Variants in PCDHGA11 observed in about 807,000 individuals in gnomAD.
PCDHGA11 encodes the protein protocadherin gamma subfamily A, 11.
PCDHGA11 carries 39 observed loss-of-function variants against 60.4 expected under a neutral mutation model. The observed-to-expected ratio is 0.65, with a 90% CI of 0.50 to 0.84. The LOEUF is 0.84. Ranked by LOEUF, PCDHGA11 falls within the 40% of genes least tolerant of loss-of-function variation. PCDHGA11 has a pLI of 0.00. For missense variants in PCDHGA11, 1,165 were observed against 1,197.7 expected, an observed-to-expected ratio of 0.97 and a Z score of 0.40; for synonymous variants, 533 against 510.3, an observed-to-expected ratio of 1.04 and a Z score of -0.60.
chr5:141,479,733 A>G (rs2099504879), intron 1 of PCDHGA11: 1 of 152,254 alleles, frequency 6.6e-6, no homozygotes, highest in Admixed American at 6.5e-5. Context: ...TTTCTTAAGT[A>G]TATGCACAAT....
In PCDHGA11 at chr5:141,431,318, G is replaced by T. The variant is rs1309389474; in HGVS notation, c.2433+7658G>T. The T allele has an allele frequency of 6.2e-7, 1 of 1,614,086 alleles. No individual in the cohort carries two copies. Among genetic ancestry groups the T allele is most frequent in the African/African-American group, 1.3e-5 (1 of 75,050 alleles). ...CTCCCTCATCGTGCAAAATGGAGCCGACGGTAGTAAGTACCCCGAATTGGT... is the reference window on the plus strand; with the variant it reads ...CTCCCTCATCGTGCAAAATGGAGCCTACGGTAGTAAGTACCCCGAATTGGT... On this transcript the variant is annotated intron_variant, in intron 1 of 3. Coordinates refer to ENST00000398587, the MANE Select transcript of PCDHGA11 (RefSeq NM_018914.3). The surrounding 1 kb of genome is among the most constrained non-coding windows in gnomAD (Gnocchi z 4.8).
chr5:141,491,712 G>A lies in PCDHGA11; in HGVS notation c.2434-3095G>A, dbSNP rs932849130. On this transcript the variant is annotated intron_variant, in intron 1 of 3. Coordinates refer to ENST00000398587, the MANE Select transcript of PCDHGA11 (RefSeq NM_018914.3). The surrounding 1 kb of genome is among the most constrained non-coding windows in gnomAD (Gnocchi z 6.9). Reference sequence around the variant, plus strand: ...GGGAGCGGAGCCAGGTGAGGGGCTCGGCGCCGCCCCGGGCGACCCCTGGGG... The same window carrying A: ...GGGAGCGGAGCCAGGTGAGGGGCTCAGCGCCGCCCCGGGCGACCCCTGGGG... The A allele has an allele frequency of 1.2e-6, 2 of 1,609,290 alleles. No homozygotes were observed. Among genetic ancestry groups the A allele is most frequent in the East Asian group, 2.2e-5 (1 of 44,760 alleles).
Position 141,431,075 on chromosome 5 carries a change from C to G in PCDHGA11, c.2433+7415C>G. ...GGGGGCCATCAAGTGTCAATTAAAT[C>G]TAGACATTCTGATGGAGGATAAAGT... is the stretch of plus-strand genomic sequence containing the variant. On this transcript the variant is annotated intron_variant, in intron 1 of 3. Coordinates refer to ENST00000398587, the MANE Select transcript of PCDHGA11 (RefSeq NM_018914.3). The surrounding 1 kb of genome is among the most constrained non-coding windows in gnomAD (Gnocchi z 4.8). 1 of 1,614,156 alleles carries G rather than the reference C, an allele frequency of 6.2e-7. No homozygotes were observed. Among genetic ancestry groups the G allele is most frequent in the Non-Finnish European group, 8.5e-7 (1 of 1,179,984 alleles).
Position 141,485,060 on chromosome 5 carries a change from G to T in PCDHGA11, c.2434-9747G>T. The T allele has an allele frequency of 1.2e-6, 1 of 862,304 alleles. No individual in the cohort carries two copies. 53.4% of individuals were successfully genotyped at this position (862,304 alleles called of 1,614,324 possible). ...ACCCTTGCGGCGCCGGCCGAACCGC[G>T]CCAGAGCTGGCGCGGGGAAAGGGAG... On this transcript the variant is annotated intron_variant, in intron 1 of 3. Coordinates refer to ENST00000398587, the MANE Select transcript of PCDHGA11 (RefSeq NM_018914.3). The surrounding 1 kb of genome is among the most constrained non-coding windows in gnomAD (Gnocchi z 5.7).
intron 1 of PCDHGA11, among the ~76,000 whole-genome samples, chr5:141,437,886 C>A (rs763669578): frequency 6.6e-6 from 1 of 152,022 alleles, no homozygotes; most frequent in Non-Finnish European, 1.5e-5. Flanking sequence ...TACAGGCACA[C>A]GCCACCACAC....
At chr5:141,494,714 C>G in intron 1 of PCDHGA11, 93 bp from the exon 2 acceptor site, 2 of 1,603,958 alleles carry the variant, frequency 1.2e-6, no homozygotes, top group East Asian at 4.5e-5. Context: ...TGTGCCCACT[C>G]CCCTCCTTCT....
intron 1 of PCDHGA11, chr5:141,426,438 G>A (rs567163831): frequency 4.7e-5 from 14 of 300,110 alleles, no homozygotes; most frequent in Admixed American, 1.7e-4. Context: ...GGAACCTTGC[G>A]GAGGACATGC....
In PCDHGA11 at chr5:141,476,762, G is replaced by A. The variant is rs1338892879; in HGVS notation, c.2434-18045G>A. The A allele has an allele frequency of 6.2e-7, 1 of 1,613,848 alleles. No individual in the cohort carries two copies. ...GCCTAGTCTCCAGTTAGTGCTGACG[G>A]CGTTGGACGGAGGGACCCCAGCTCT... On this transcript the variant is annotated intron_variant, in intron 1 of 3. Coordinates refer to ENST00000398587, the MANE Select transcript of PCDHGA11 (RefSeq NM_018914.3). The surrounding 1 kb of genome is among the most constrained non-coding windows in gnomAD (Gnocchi z 7.6).
chr5:141,489,085 G>A lies in PCDHGA11; in HGVS notation c.2434-5722G>A, dbSNP rs1347512723. The A allele has an allele frequency of 2.6e-5, 6 of 230,066 alleles. No homozygotes were observed. The South Asian group carries it at 4.3e-4, about 16-fold the overall frequency. 14.3% of individuals were successfully genotyped at this position (230,066 alleles called of 1,614,324 possible). A position where few individuals can be genotyped will look rare whatever the true frequency, so the allele number is the denominator to read the frequency against. Reference sequence around the variant, plus strand: ...TCCCCCCTGCCCACCCCCGCCACTCGGTGACTAAGAACTGCTGCAAGCAGG... The same window carrying A: ...TCCCCCCTGCCCACCCCCGCCACTCAGTGACTAAGAACTGCTGCAAGCAGG... On this transcript the variant is annotated intron_variant, in intron 1 of 3. Coordinates refer to ENST00000398587, the MANE Select transcript of PCDHGA11 (RefSeq NM_018914.3). The surrounding 1 kb of genome is among the most constrained non-coding windows in gnomAD (Gnocchi z 4.5).
intron 1 of PCDHGA11, chr5:141,427,887 C>T (rs759734297): frequency 3.8e-6 from 6 of 1,565,908 alleles, no homozygotes; most frequent in South Asian, 1.1e-5. Flanking sequence ...GGCCCACGAC[C>T]AGGGCTCGCC....
chr5:141,482,220 G>T (rs945741591), intron 1 of PCDHGA11, among the ~76,000 whole-genome samples: 8 of 152,148 alleles, frequency 5.3e-5, no homozygotes, highest in African/African-American at 1.9e-4. Flanking sequence ...ACTTGTTTTG[G>T]TGTGAAATTG....
intron 1 of PCDHGA11, chr5:141,478,866 C>G: frequency 7.7e-7 from 1 of 1,304,352 alleles, no homozygotes; most frequent in East Asian, 2.5e-5. Context: ...TCTCAGCGAT[C>G]AGAGTTTAGC....
At chr5:141,442,708 A>C (rs2098338740) in intron 1 of PCDHGA11, among the ~76,000 whole-genome samples, 2 of 152,254 alleles carry the variant, frequency 1.3e-5, no homozygotes, top group Non-Finnish European at 2.9e-5. Context: ...AGTATCAGAC[A>C]TGCCAGAGCA....
At chr5:141,501,926 C>T (rs1388315216) in intron 2 of PCDHGA11, among the ~76,000 whole-genome samples, 1 of 152,126 alleles carries the variant, frequency 6.6e-6, no homozygotes, top group African/African-American at 2.4e-5. Flanking sequence ...AGCTTTGTTC[C>T]CTCAACACCA....
In PCDHGA11 at chr5:141,489,950, A is replaced by C. The variant is rs1055715796; in HGVS notation, c.2434-4857A>C. 1 of 1,614,192 alleles carries C rather than the reference A, an allele frequency of 6.2e-7. No homozygotes were observed. The highest frequency in any genetic ancestry group is 1.3e-5 in the African/African-American group (1 of 75,060). ...TCTGTCATCGTGCTGGACATCAATG[A>C]TAATGCTCCAACCTTCCAATCCTCA... is the stretch of plus-strand genomic sequence containing the variant. On this transcript the variant is annotated intron_variant, in intron 1 of 3. Coordinates refer to ENST00000398587, the MANE Select transcript of PCDHGA11 (RefSeq NM_018914.3). The surrounding 1 kb of genome is among the most constrained non-coding windows in gnomAD (Gnocchi z 4.5).
chr5:141,494,775 A>G (rs1202233200), intron 1 of PCDHGA11, 32 bp from the exon 2 acceptor site: 1 of 1,613,580 alleles, frequency 6.2e-7, no homozygotes. Flanking sequence ...TCTCACGGGT[A>G]CTCAGCCCCT....
chr5:141,478,322 C>A, intron 1 of PCDHGA11: 3 of 1,613,976 alleles, frequency 1.9e-6, no homozygotes, highest in Non-Finnish European at 2.5e-6. Context: ...CTCACTGTAC[C>A]GAACACCAGG....
intron 1 of PCDHGA11, chr5:141,478,592 TC>T: frequency 6.4e-7 from 1 of 1,570,334 alleles, no homozygotes; most frequent in Non-Finnish European, 8.6e-7. Flanking sequence ...GCTTTTTTAT[TC>T]CTACATCATA....
At chr5:141,428,081 C>G (rs768842388) in intron 1 of PCDHGA11, 3 of 1,609,218 alleles carry the variant, frequency 1.9e-6, no homozygotes, top group South Asian at 2.2e-5. Context: ...CGGGACACAA[C>G]GCTTGGCTGT....
Sources: allele counts gnomAD v4.1 joint callset (sites outside exome capture counted in the v4.1 genomes callset), GRCh38; gene constraint gnomAD v4.1.1; non-coding constraint Gnocchi (gnomAD v3.1); transcripts MANE v1.5; gene names NCBI Gene and HGNC (gene_info 2026-07-23, HGNC 2026-07-21).